Variants in PIGP observed in about 807,000 individuals in gnomAD.
PIGP encodes the protein phosphatidylinositol glycan anchor biosynthesis class P, also known as phosphatidylinositol N-acetylglucosaminyltransferase subunit P.
PIGP carries 12 observed loss-of-function variants against 16.9 expected under a neutral mutation model. The ratio of observed to expected loss-of-function variants is 0.71; its 90% CI spans 0.46 to 1.15. PIGP has a LOEUF of 1.15. Among genes scored for constraint, PIGP ranks in the 50% most tolerant of loss-of-function variants. PIGP has a pLI of 0.00. For missense variants in PIGP, 159 were observed against 153.5 expected, an observed-to-expected ratio of 1.04 and a Z score of -0.19; for synonymous variants, 57 against 54.7, an observed-to-expected ratio of 1.04 and a Z score of -0.18.
Position 37,072,929 on chromosome 21 carries a change from G to A in PIGP, c.-23+71C>T, listed in dbSNP as rs562656880. ...GAGACTTCTATTTCTCATTCGAGGC[G>A]GGGTATGGGGGGGCCCTCGACCTCG... On this transcript the variant is annotated intron_variant, in intron 1 of 4. Coordinates refer to ENST00000360525, the MANE Select transcript of PIGP (RefSeq NM_153682.3). 1.8e-4 allele frequency: 45 copies of A among 245,326 alleles called. No homozygotes were observed. In the East Asian group the frequency reaches 3.8e-3, roughly 20 times the overall value. 15.2% of individuals were successfully genotyped at this position (245,326 alleles called of 1,614,324 possible).
At chr21:37,070,605 T>C (rs2146810436) in intron 2 of PIGP, among the ~76,000 whole-genome samples, 1 of 152,326 alleles carries the variant, frequency 6.6e-6, no homozygotes, top group Middle Eastern at 3.4e-3. Context: ...ATATACGTTT[T>C]TCTTATTTAA....
At chr21:37,072,667 C>T (rs942248326) in intron 1 of PIGP, 130 bp from the exon 2 acceptor site, 3 of 1,505,278 alleles carry the variant, frequency 2.0e-6, no homozygotes, top group African/African-American at 1.4e-5. Context: ...CCGTCCGCAA[C>T]CCGCGCCCCC....
At chr21:37,068,503 C>A (rs2069945400) in intron 3 of PIGP, among the ~76,000 whole-genome samples, 2 of 151,234 alleles carry the variant, frequency 1.3e-5, no homozygotes, top group Admixed American at 1.3e-4. Context: ...TTTTCTGTTT[C>A]CTGCATTATC....
chr21:37,072,293 G>T, intron 2 of PIGP, 141 bp downstream of exon 2: 1 of 1,604,936 alleles, frequency 6.2e-7, no homozygotes, highest in Non-Finnish European at 8.5e-7. Context: ...CAGCAAACAC[G>T]AGATCCCTTC....
At chr21:37,069,159 G>C (rs995725642) in intron 3 of PIGP, 1 of 157,038 alleles carries the variant, frequency 6.4e-6, no homozygotes, top group Non-Finnish European at 1.4e-5. Context: ...AAATATTCTT[G>C]CTGGCTTCCC....
At chr21:37,072,007 C>T in intron 2 of PIGP, 1 of 703,564 alleles carries the variant, frequency 1.4e-6, no homozygotes, top group Non-Finnish European at 2.6e-6. Flanking sequence ...TTCTTCCCTC[C>T]CTCTTACTCT....
chr21:37,067,570 G>A (rs1043693848), intron 3 of PIGP, among the ~76,000 whole-genome samples, 190 bp from the exon 4 acceptor site: 3 of 152,056 alleles, frequency 2.0e-5, no homozygotes, highest in Non-Finnish European at 4.4e-5. Context: ...CCCAACCCTG[G>A]GGTCTCACTC....
At chr21:37,069,363 G>A (rs1405184727) in intron 3 of PIGP, 189 bp downstream of exon 3, 1 of 365,394 alleles carries the variant, frequency 2.7e-6, no homozygotes, top group East Asian at 4.3e-5. Context: ...AGATAAACAT[G>A]TGTGTTCATG....
chr21:37,069,694 T>C (rs1366653992), intron 2 of PIGP, 70 bp from the exon 3 acceptor site: 1 of 1,034,594 alleles, frequency 9.7e-7, no homozygotes, highest in East Asian at 2.6e-5. Context: ...TATCAATCTA[T>C]TAAGATTCAG....
At chr21:37,068,751 G>A (rs1325029079) in intron 3 of PIGP, among the ~76,000 whole-genome samples, 4 of 152,102 alleles carry the variant, frequency 2.6e-5, no homozygotes, top group Non-Finnish European at 4.4e-5. Flanking sequence ...CCTTTCTCTC[G>A]GGCTGGTCAG....
At chr21:37,071,335 C>T (rs2070011446) in intron 2 of PIGP, among the ~76,000 whole-genome samples, 1 of 152,188 alleles carries the variant, frequency 6.6e-6, no homozygotes, top group Admixed American at 6.5e-5. Context: ...CAATCTTGAG[C>T]AAGTTACTGA....
chr21:37,067,396 T>C lies in PIGP; in HGVS notation c.156-16A>G. The C allele has an allele frequency of 1.5e-6, 2 of 1,338,846 alleles. No individual in the cohort carries two copies. The highest frequency in any genetic ancestry group is 2.2e-6 in the Non-Finnish European group (2 of 930,018). 82.9% of individuals were successfully genotyped at this position (1,338,846 alleles called of 1,614,324 possible). Reference sequence around the variant, plus strand: ...TGCCCAATATCTGCCAAAGAGAATATTAAAGTACATAATAGACACTTTAAA... The same window carrying C: ...TGCCCAATATCTGCCAAAGAGAATACTAAAGTACATAATAGACACTTTAAA... On this transcript the variant is annotated splice_polypyrimidine_tract_variant and intron_variant, in intron 3 of 4. Transcript: ENST00000360525.
At chr21:37,068,814 A>T (rs2069950061) in intron 3 of PIGP, among the ~76,000 whole-genome samples, 1 of 152,192 alleles carries the variant, frequency 6.6e-6, no homozygotes, top group African/African-American at 2.4e-5. Flanking sequence ...GGGTGATATA[A>T]GCCTCGAAGC....
chr21:37,065,813 G>T, intron 4 of PIGP, 101 bp from the exon 5 acceptor site: 1 of 906,586 alleles, frequency 1.1e-6, no homozygotes, highest in Non-Finnish European at 1.7e-6. Flanking sequence ...GCTGACGTTT[G>T]GATAGTGACA....
chr21:37,069,047 C>G (rs1344881960), intron 3 of PIGP, among the ~76,000 whole-genome samples: 1 of 152,164 alleles, frequency 6.6e-6, no homozygotes, highest in Admixed American at 6.6e-5. Context: ...GATTTGAAGG[C>G]TGAAGACTTC....
At chr21:37,066,971 C>CGTGT (rs56940945) in intron 4 of PIGP, among the ~76,000 whole-genome samples, 5,563 of 143,666 alleles carry the variant, frequency 0.039, 130 homozygotes, top group East Asian at 0.093. Context: ...TTTTACTGTC[C>CGTGT]GTGTGTGTGT....
intron 2 of PIGP, 163 bp downstream of exon 2, chr21:37,072,271 A>T (rs1026555725): frequency 1.9e-6 from 3 of 1,609,290 alleles, no homozygotes; most frequent in Non-Finnish European, 2.5e-6. Flanking sequence ...TAGTGCTGGC[A>T]CACGGAACAC....
At chr21:37,072,560 G>A (rs767735120) in intron 1 of PIGP, 23 bp from the exon 2 acceptor site, 2 of 1,614,106 alleles carry the variant, frequency 1.2e-6, no homozygotes, top group African/African-American at 1.3e-5. Flanking sequence ...AACACAATCA[G>A]CGTCAGCGAT....
intron 3 of PIGP, among the ~76,000 whole-genome samples, chr21:37,068,487 A>AT (rs1317535339): frequency 6.0e-5 from 9 of 150,546 alleles, no homozygotes; most frequent in Non-Finnish European, 7.4e-5. Flanking sequence ...TGTTATTTAA[A>AT]TTTTTTTTTC....
Sources: gnomAD v4.1 joint callset for allele counts (sites outside exome capture counted in the v4.1 genomes callset) on GRCh38, gnomAD v4.1.1 for gene constraint, MANE v1.5 for transcripts, NCBI Gene and HGNC (gene_info 2026-07-23, HGNC 2026-07-21) for gene names.